TSPAN16: variants seen among roughly 807,000 people sequenced by gnomAD.
The protein encoded by TSPAN16 is tetraspanin-16.
A neutral mutation model predicts 25.2 loss-of-function variants in TSPAN16; 23 were observed. That is an observed-to-expected ratio of 0.91 (90% CI 0.66 to 1.29). The LOEUF (loss-of-function observed/expected upper bound fraction) is 1.29, where lower values mean the gene tolerates loss of function less well. Ranked by LOEUF, TSPAN16 falls within the 50% of genes most tolerant of loss-of-function variation. The pLI is 0.00. For missense variants in TSPAN16, 272 were observed against 299.9 expected (o/e 0.91, Z 0.69); for synonymous variants, 123 against 124.4 (o/e 0.99, Z 0.08).
intron 6 of TSPAN16, among the ~76,000 whole-genome samples, chr19:11,312,622 A>G (rs781409366): frequency 4.6e-5 from 7 of 151,792 alleles, no homozygotes; most frequent in Non-Finnish European, 2.9e-5. Context: ...AAAATTATCC[A>G]GGTGTGGTGG....
chr19:11,302,172 G>A (rs1483936365), intron 4 of TSPAN16, among the ~76,000 whole-genome samples: 4 of 151,956 alleles, frequency 2.6e-5, no homozygotes, highest in African/African-American at 9.7e-5. Flanking sequence ...AAGCACATTC[G>A]CATTGTTGTG....
chr19:11,297,514 T>TATTTTATTTTATTTTATTTTATTTTTA (rs2080491912), intron 1 of TSPAN16, among the ~76,000 whole-genome samples: 1 of 152,080 alleles, frequency 6.6e-6, no homozygotes, highest in African/African-American at 2.4e-5. Flanking sequence ...TATTTTATTT[T>TATTTTATTTTATTTTATTTTATTTTTA]GAGACGGAGT....
chr19:11,306,533 T>C (rs1415448788), intron 4 of TSPAN16, 71 bp from the exon 5 acceptor site: 2 of 1,581,036 alleles, frequency 1.3e-6, no homozygotes, highest in Admixed American at 1.7e-5. Flanking sequence ...ACGGTAGCCA[T>C]GGTAACCGTG....
chr19:11,307,373 G>T (rs891632229), intron 5 of TSPAN16, among the ~76,000 whole-genome samples: 1 of 151,802 alleles, frequency 6.6e-6, no homozygotes, highest in African/African-American at 2.4e-5. Flanking sequence ...TCCCACCTCG[G>T]CCTCCCAAAG....
rs373482634 is a variant in TSPAN16 at position 11,296,221 on chromosome 19, A to G, written c.-77A>G. The G allele has an allele frequency of 8.8e-6, 13 of 1,481,284 alleles. No homozygotes were observed. Among genetic ancestry groups the G allele is most frequent in the Admixed American group, 3.5e-5 (2 of 57,770 alleles). 91.8% of individuals were successfully genotyped at this position (1,481,284 alleles called of 1,614,324 possible). A position where few individuals can be genotyped will look rare whatever the true frequency, so the allele number is the denominator to read the frequency against. On this transcript the variant is annotated 5_prime_UTR_variant, in exon 1 of 7. Transcript: ENST00000590327. ...ATTGGCGCCCCTTCCTCAGATCCCTATCATCTTGGGAAACAGTAGCCCAGA... is the reference window on the plus strand; with the variant it reads ...ATTGGCGCCCCTTCCTCAGATCCCTGTCATCTTGGGAAACAGTAGCCCAGA...
chr19:11,305,255 C>T (rs543985268), intron 4 of TSPAN16, among the ~76,000 whole-genome samples: 11 of 152,082 alleles, frequency 7.2e-5, no homozygotes, highest in East Asian at 3.9e-4. Flanking sequence ...TGGTGCTGGG[C>T]GCAGTGGCTC....
chr19:11,301,663 C>A (rs1227164683), intron 4 of TSPAN16, among the ~76,000 whole-genome samples: 1 of 148,548 alleles, frequency 6.7e-6, no homozygotes, highest in Non-Finnish European at 1.5e-5. Flanking sequence ...AAGCCAGTCA[C>A]AGTGGCACAT....
chr19:11,298,810 G>C, intron 2 of TSPAN16, 62 bp from the exon 3 acceptor site: 1 of 1,498,572 alleles, frequency 6.7e-7, no homozygotes, highest in South Asian at 1.1e-5. Flanking sequence ...TCACCTGCAG[G>C]GTATAAGGTC....
chr19:11,300,644 G>A, intron 3 of TSPAN16: 1 of 152,958 alleles, frequency 6.5e-6, no homozygotes, highest in Admixed American at 6.5e-5. Flanking sequence ...ATCTCTTTGG[G>A]GACACAGGAA....
At chr19:11,298,545 C>T (rs1013741561) in intron 2 of TSPAN16, among the ~76,000 whole-genome samples, 5 of 151,962 alleles carry the variant, frequency 3.3e-5, no homozygotes, top group Non-Finnish European at 5.9e-5. Context: ...AGCGATTCTC[C>T]TGCCTCAGCC....
downstream of TSPAN16, among the ~76,000 whole-genome samples, chr19:11,318,069 C>T (rs322138): frequency 0.28 from 41,861 of 151,736 alleles, 5,797 homozygotes; most frequent in Middle Eastern, 0.31. Flanking sequence ...CTCTGTCCCC[C>T]AGGCTGGAGT....
At chr19:11,298,683 C>T (rs531116246) in intron 2 of TSPAN16, among the ~76,000 whole-genome samples, 189 bp from the exon 3 acceptor site, 45 of 152,170 alleles carry the variant, frequency 3.0e-4, no homozygotes, top group African/African-American at 9.6e-4. Flanking sequence ...CCACCCGCCT[C>T]GGTCTCCTAA....
At chr19:11,303,835 G>C (rs1486144958) in intron 4 of TSPAN16, among the ~76,000 whole-genome samples, 1 of 151,442 alleles carries the variant, frequency 6.6e-6, no homozygotes, top group African/African-American at 2.4e-5. Context: ...CCAAGTTGGA[G>C]TGCAGTGGCG....
intron 4 of TSPAN16, among the ~76,000 whole-genome samples, chr19:11,305,907 T>G (rs1568290056): frequency 1.3e-5 from 2 of 152,092 alleles, no homozygotes; most frequent in Admixed American, 6.6e-5. Context: ...TACTGACATG[T>G]GAGTGGAGAG....
chr19:11,308,043 G>C (rs372114883), intron 5 of TSPAN16: 1 of 152,174 alleles, frequency 6.6e-6, no homozygotes, highest in Non-Finnish European at 1.5e-5. Context: ...GGCCAGCCAC[G>C]TGATGGAGCA....
At chr19:11,320,605 C>T (rs182138161), downstream of TSPAN16, among the ~76,000 whole-genome samples, 142 of 150,074 alleles carry the variant, frequency 9.5e-4, no homozygotes, top group African/African-American at 3.2e-3. Context: ...TCCAGGAGTT[C>T]GAGGCTGCAG....
intron 6 of TSPAN16, 69 bp downstream of exon 6, chr19:11,312,291 C>G: frequency 1.1e-6 from 1 of 912,678 alleles, no homozygotes; most frequent in Non-Finnish European, 1.7e-6. Flanking sequence ...AAACACTGTT[C>G]TGGTCACTGG....
chr19:11,300,620 A>C (rs948587786), intron 3 of TSPAN16, among the ~76,000 whole-genome samples: 1 of 152,156 alleles, frequency 6.6e-6, no homozygotes, highest in African/African-American at 2.4e-5. Context: ...TTGCTTTGAC[A>C]CACATAGAAG....
chr19:11,297,568 C>T (rs1262664776), intron 1 of TSPAN16, among the ~76,000 whole-genome samples: 3 of 152,000 alleles, frequency 2.0e-5, no homozygotes, highest in African/African-American at 7.3e-5. Context: ...ATGATCTCAG[C>T]TCACTGCAAC....
Sources: gnomAD v4.1 joint callset for allele counts (sites outside exome capture counted in the v4.1 genomes callset) on GRCh38, gnomAD v4.1.1 for gene constraint, MANE v1.5 for transcripts, NCBI Gene and HGNC (gene_info 2026-07-23, HGNC 2026-07-21) for gene names.